GPBP1: variants seen among roughly 807,000 people sequenced by gnomAD.
GPBP1 encodes GC-rich promoter binding protein 1.
A neutral mutation model predicts 56.5 loss-of-function variants in GPBP1; 13 were observed. The observed-to-expected ratio is 0.23, with a 90% CI of 0.15 to 0.37. GPBP1 has a LOEUF of 0.37. Ranked by LOEUF, GPBP1 falls within the 10% of genes least tolerant of loss-of-function variation. The probability of loss-of-function intolerance (pLI) is 1.00; values close to 1 mark genes in which losing one functional copy is unlikely to be tolerated. For synonymous variants in GPBP1, 204 were observed against 188.9 expected, an observed-to-expected ratio of 1.08 and a Z score of -0.66; for missense variants, 477 against 572.3, an observed-to-expected ratio of 0.83 and a Z score of 1.70.
intron 3 of GPBP1, among the ~76,000 whole-genome samples, chr5:57,226,281 A>G (rs1756183503): frequency 6.6e-6 from 1 of 152,176 alleles, no homozygotes; most frequent in South Asian, 2.1e-4. Context: ...AAAATTACTT[A>G]TTGGTGGTTC....
chr5:57,246,604 A>T, intron 7 of GPBP1, 120 bp downstream of exon 7: 1 of 702,610 alleles, frequency 1.4e-6, no homozygotes, highest in Non-Finnish European at 2.3e-6. Context: ...GCTGAGTTCT[A>T]GGTGGCAAGA....
At chr5:57,193,355 C>T (rs1039506176) in intron 2 of GPBP1, among the ~76,000 whole-genome samples, 1 of 151,848 alleles carries the variant, frequency 6.6e-6, no homozygotes, top group Non-Finnish European at 1.5e-5. Flanking sequence ...TGGCTTACTC[C>T]TGTAATCCAG....
At chr5:57,196,839 T>C (rs1754786896) in intron 2 of GPBP1, among the ~76,000 whole-genome samples, 1 of 152,160 alleles carries the variant, frequency 6.6e-6, no homozygotes, top group Non-Finnish European at 1.5e-5. Flanking sequence ...TGGAGTTCAG[T>C]GGCACGATCT....
chr5:57,184,916 T>A (rs537464517), intron 2 of GPBP1, among the ~76,000 whole-genome samples: 2 of 152,324 alleles, frequency 1.3e-5, no homozygotes, highest in African/African-American at 4.8e-5. Context: ...TAGTTGATGT[T>A]TTTATTTCAT....
chr5:57,199,941 C>T (rs1176874414), intron 2 of GPBP1, among the ~76,000 whole-genome samples: 1 of 145,486 alleles, frequency 6.9e-6, no homozygotes, highest in African/African-American at 2.5e-5. Context: ...TTTTGGAACT[C>T]TTGACTTCAA....
chr5:57,187,084 C>T (rs1754325371), intron 2 of GPBP1, among the ~76,000 whole-genome samples: 1 of 149,966 alleles, frequency 6.7e-6, no homozygotes, highest in East Asian at 2.0e-4. Flanking sequence ...AATGCTAGTC[C>T]ATAAATAAAA....
intron 2 of GPBP1, among the ~76,000 whole-genome samples, chr5:57,191,762 G>C (rs1754536600): frequency 6.6e-6 from 1 of 152,042 alleles, no homozygotes; most frequent in Admixed American, 6.6e-5. Flanking sequence ...AGGTTTCACT[G>C]TGTTGGCCAG....
At chr5:57,236,209 A>C (rs755783354) in intron 6 of GPBP1, among the ~76,000 whole-genome samples, 177 bp downstream of exon 6, 1 of 152,190 alleles carries the variant, frequency 6.6e-6, no homozygotes, top group Non-Finnish European at 1.5e-5. Context: ...GGAGGATTGG[A>C]ATAGAAGAGT....
At chr5:57,209,483 T>A (rs1212027507) in intron 2 of GPBP1, among the ~76,000 whole-genome samples, 2 of 152,168 alleles carry the variant, frequency 1.3e-5, no homozygotes, top group East Asian at 1.9e-4. Context: ...CTTTCATTTC[T>A]TTTCTTGCCT....
chr5:57,235,850 C>T (rs973908067), intron 5 of GPBP1, 116 bp from the exon 6 acceptor site: 2 of 744,942 alleles, frequency 2.7e-6, no homozygotes, highest in East Asian at 2.7e-5. Flanking sequence ...GGTTATTCAA[C>T]CTGTAGCTAA....
At chr5:57,198,933 T>A (rs555121577) in intron 2 of GPBP1, among the ~76,000 whole-genome samples, 24 of 152,358 alleles carry the variant, frequency 1.6e-4, no homozygotes, top group African/African-American at 5.0e-4. Context: ...AATTTTATGC[T>A]TAAAAGTATT....
chr5:57,192,691 T>A (rs1314024613), intron 2 of GPBP1, among the ~76,000 whole-genome samples: 1 of 140,672 alleles, frequency 7.1e-6, no homozygotes, highest in African/African-American at 2.7e-5. Flanking sequence ...AGGCGGAGGT[T>A]GCGGTGAGCT....
chr5:57,218,806 G>GAGA (rs1755806219), intron 3 of GPBP1, among the ~76,000 whole-genome samples: 1 of 152,120 alleles, frequency 6.6e-6, no homozygotes, highest in African/African-American at 2.4e-5. Context: ...CTCCCATAAG[G>GAGA]ACTTACCAGG....
chr5:57,251,815 G>C (rs1245040249), intron 10 of GPBP1, among the ~76,000 whole-genome samples: 2 of 151,902 alleles, frequency 1.3e-5, no homozygotes, highest in Non-Finnish European at 2.9e-5. Flanking sequence ...CAATATAGAA[G>C]GTTCTAGTTT....
Position 57,262,970 on chromosome 5 carries a change from G to C in GPBP1, c.*218G>C. ...GAATGTTGTAGGAATGAGGACTTGG[G>C]TTGGTCCAACATTGACTTTCTTCAT... On this transcript the variant is annotated 3_prime_UTR_variant, in exon 12 of 12. Coordinates refer to ENST00000506184, the MANE Select transcript of GPBP1 (RefSeq NM_022913.4). 2.4e-6 allele frequency: 1 copy of C among 414,688 alleles called. No homozygotes were observed. The allele number at this position is 414,688 out of a possible 1,614,324, so 25.7% of individuals were successfully genotyped here.
chr5:57,232,682 G>C (rs917922509), intron 5 of GPBP1, among the ~76,000 whole-genome samples: 5 of 152,196 alleles, frequency 3.3e-5, no homozygotes, highest in African/African-American at 1.2e-4. Context: ...ATAGAAACTG[G>C]ACACAGCAGT....
intron 3 of GPBP1, among the ~76,000 whole-genome samples, chr5:57,217,269 G>T (rs1216734682): frequency 6.6e-6 from 1 of 151,998 alleles, no homozygotes. Flanking sequence ...ATGATCTAGT[G>T]TGTAAACATA....
At chr5:57,189,000 GTCTT>G (rs543375197) in intron 2 of GPBP1, among the ~76,000 whole-genome samples, 8 of 152,036 alleles carry the variant, frequency 5.3e-5, no homozygotes, top group Non-Finnish European at 1.2e-4. Flanking sequence ...CTGTCTGTCT[GTCTT>G]TCTTTGCGAC....
At chr5:57,258,261 T>G (rs566121794) in intron 10 of GPBP1, among the ~76,000 whole-genome samples, 100 of 152,334 alleles carry the variant, frequency 6.6e-4, no homozygotes, top group Non-Finnish European at 1.1e-3. Context: ...CAGTCATGCA[T>G]TGCTTAATGA....
Sources: allele counts gnomAD v4.1 joint callset (sites outside exome capture counted in the v4.1 genomes callset), GRCh38; gene constraint gnomAD v4.1.1; transcripts MANE v1.5; gene names NCBI Gene and HGNC (gene_info 2026-07-23, HGNC 2026-07-21).